Variants in RASA1 observed in about 807,000 individuals in gnomAD.
RASA1 encodes the protein ras GTPase-activating protein 1.
A neutral mutation model predicts 132.2 loss-of-function variants in RASA1; 25 were observed. The observed-to-expected ratio is 0.19, with a 90% confidence interval of 0.14 to 0.26. The LOEUF (loss-of-function observed/expected upper bound fraction) is 0.26. Ranked by LOEUF, RASA1 falls within the 10% of genes least tolerant of loss-of-function variation. The pLI is 1.00. For missense variants in RASA1, 964 were observed against 1,299.2 expected (o/e 0.74, Z 3.97); for synonymous variants, 477 against 449.9 (o/e 1.06, Z -0.76).
rs115394820 is a variant in RASA1, at chr5:87,362,734, C to T, written c.1453+63C>T. 2.3e-3 allele frequency: 3,580 copies of T among 1,533,456 alleles called. 64 individuals carry two copies. In the African/African-American group the frequency reaches 0.041, roughly 17 times the overall value. 95.0% of individuals were successfully genotyped at this position (1,533,456 alleles called of 1,614,324 possible). A position where few individuals can be genotyped will look rare whatever the true frequency, so the allele number is the denominator to read the frequency against. On this transcript the variant is annotated intron_variant, in intron 10 of 24. Transcript: ENST00000274376. ...GACGTTGTAAATATGGAGCTCCGAACTTATTGTGATATATATTTAATAAGT... is the reference window on the plus strand; with the variant it reads ...GACGTTGTAAATATGGAGCTCCGAATTTATTGTGATATATATTTAATAAGT...
intron 7 of RASA1, among the ~76,000 whole-genome samples, chr5:87,348,033 T>C (rs1300082716): frequency 1.3e-5 from 2 of 152,026 alleles, no homozygotes; most frequent in Non-Finnish European, 2.9e-5. Flanking sequence ...AGCACTTGCA[T>C]GCACAGTCTT....
chr5:87,299,370 A>G (rs73770218), intron 1 of RASA1, among the ~76,000 whole-genome samples: 132 of 152,314 alleles, frequency 8.7e-4, no homozygotes, highest in African/African-American at 3.1e-3. Context: ...GTGAATCACT[A>G]TATTGGAAAA....
chr5:87,308,271 T>A (rs932312310), intron 1 of RASA1, among the ~76,000 whole-genome samples: 2 of 151,896 alleles, frequency 1.3e-5, no homozygotes, highest in East Asian at 3.9e-4. Context: ...GACCACAATA[T>A]GCAAATAAAT....
chr5:87,301,178 T>C (rs1405316292), intron 1 of RASA1, among the ~76,000 whole-genome samples: 2 of 152,348 alleles, frequency 1.3e-5, no homozygotes, highest in East Asian at 3.9e-4. Context: ...GTGTTTAGTG[T>C]AGATATAATT....
At chr5:87,285,894 C>T (rs1754537476) in intron 1 of RASA1, among the ~76,000 whole-genome samples, 1 of 152,158 alleles carries the variant, frequency 6.6e-6, no homozygotes, top group Non-Finnish European at 1.5e-5. Context: ...GCTGGGATTA[C>T]AGGTCTGAGC....
intron 9 of RASA1, among the ~76,000 whole-genome samples, chr5:87,356,872 T>G (rs997380533): frequency 1.3e-5 from 2 of 152,192 alleles, no homozygotes; most frequent in Non-Finnish European, 2.9e-5. Context: ...TGCCTATATT[T>G]TCCTTCATTC....
At position 87,288,358 on chromosome 5, in the gene RASA1, C is replaced by G. The variant is rs145017137; in HGVS notation, c.539+19368C>G. On this transcript the variant is annotated intron_variant, in intron 1 of 24. Coordinates refer to ENST00000274376, the MANE Select transcript of RASA1 (RefSeq NM_002890.3). ...ATGACAAAAAATAAAGATTCCTTCT[C>G]AAACAGTGGCAGCAACGATGTCATC... 2.7e-3 allele frequency among the ~76,000 whole-genome samples: 406 copies of G among 152,042 alleles called. 5 individuals carry two copies. Among genetic ancestry groups the G allele is most frequent in the East Asian group, 8.3e-3 (43 of 5,182 alleles).
At chr5:87,336,552 A>T (rs576937876) in intron 4 of RASA1, among the ~76,000 whole-genome samples, 2 of 152,264 alleles carry the variant, frequency 1.3e-5, no homozygotes, top group East Asian at 3.9e-4. Flanking sequence ...AACACAAAAT[A>T]ATATAGAATG....
At chr5:87,367,693 C>G (rs962160355) in intron 11 of RASA1, among the ~76,000 whole-genome samples, 1 of 152,200 alleles carries the variant, frequency 6.6e-6, no homozygotes, top group Non-Finnish European at 1.5e-5. Context: ...TTTACACCAT[C>G]TTTTCATAGC....
Position 87,383,755 on chromosome 5 carries a change from T to C in RASA1, c.2733T>C (p.Asn911=), listed in dbSNP as rs766721039. ...GACTCATCTGTCCTGCCATCCTGAA[T>C]CCACGGATGTTCAATATCATCTCAG... is the stretch of plus-strand genomic sequence containing the variant. The part of the protein sequence containing the change: ...FLRLICPAIL[N]PRMFNIISDS... The change falls in exon 21 of 25, where the codon AAT becomes AAC. Residue 911 remains asparagine (N), a synonymous_variant. Transcript: ENST00000274376. 1.9e-6 allele frequency: 3 copies of C among 1,611,508 alleles called. No individual in the cohort carries two copies. The highest frequency in any genetic ancestry group is 1.7e-4 in the Middle Eastern group (1 of 6,050).
At chr5:87,352,311 C>T (rs1759332041) in intron 8 of RASA1, among the ~76,000 whole-genome samples, 1 of 151,392 alleles carries the variant, frequency 6.6e-6, no homozygotes, top group Non-Finnish European at 1.5e-5. Context: ...GATACACACA[C>T]ACACACATAT....
At chr5:87,356,584 C>T (rs764191575) in intron 9 of RASA1, among the ~76,000 whole-genome samples, 1 of 152,024 alleles carries the variant, frequency 6.6e-6, no homozygotes, top group African/African-American at 2.4e-5. Context: ...GAGTCTTGCT[C>T]TGTTGCCCAG....
chr5:87,349,227 C>T lies in RASA1; in HGVS notation c.1116C>T (p.Cys372=), dbSNP rs2112421478. The T allele has an allele frequency of 2.5e-6, 4 of 1,611,770 alleles. No individual in the cohort carries two copies. The Middle Eastern group carries it at 5.0e-4, about 200-fold the overall frequency. Residue 372 remains cysteine, a synonymous_variant, in exon 8 of 25, where the codon TGC becomes TGT. Transcript: ENST00000274376. ...YNLLMTVGQV[C]SFLVRPSDNT... ...TAATTCTTACAGTTGGTCAAGTCTGCAGTTTTCTTGTGAGGCCCTCAGATA... is the reference window on the plus strand; with the variant it reads ...TAATTCTTACAGTTGGTCAAGTCTGTAGTTTTCTTGTGAGGCCCTCAGATA...
Position 87,268,315 on chromosome 5 carries a change from T to C in RASA1, c.-137T>C. 1.8e-6 allele frequency: 2 copies of C among 1,106,768 alleles called. No homozygotes were observed. The highest frequency in any genetic ancestry group is 2.4e-6 in the Non-Finnish European group (2 of 816,724). 68.6% of individuals were successfully genotyped at this position (1,106,768 alleles called of 1,614,324 possible). On this transcript the variant is annotated 5_prime_UTR_variant, in exon 1 of 25. Transcript: ENST00000274376. ...TAGGAGGGGGCGCGGCGGCGGGCTC[T>C]CTCCTTTTGTTGTTGTTTCCTCAGC...
At chr5:87,338,703 C>T (rs539791246) in intron 5 of RASA1, among the ~76,000 whole-genome samples, 3 of 150,142 alleles carry the variant, frequency 2.0e-5, no homozygotes, top group Non-Finnish European at 4.4e-5. Context: ...TTTTTTTTGC[C>T]GTCCTTTTCT....
Position 87,268,456 on chromosome 5 carries a change from TGGCGGCCGAGGCCGGCAGTGAGGAG to T in RASA1, c.13_37del (p.Glu5ArgfsTer2). ...CAGAGTAGAGCGGGCTTCAACATGA[TGGCGGCCGAGGCCGGCAGTGAGGAG>T]GGCGGCCCGGTAACAGCCGGAGCTG... On this transcript the variant is annotated frameshift_variant, in exon 1 of 25. Transcript: ENST00000274376. LOFTEE classifies it high-confidence loss of function. 4 of 1,546,054 alleles carry T rather than the reference TGGCGGCCGAGGCCGGCAGTGAGGAG, an allele frequency of 2.6e-6. No homozygotes were observed. The highest frequency in any genetic ancestry group is 3.5e-6 in the Non-Finnish European group (4 of 1,145,242).
chr5:87,306,132 A>G (rs1324467811), intron 1 of RASA1, among the ~76,000 whole-genome samples: 3 of 151,962 alleles, frequency 2.0e-5, no homozygotes, highest in Non-Finnish European at 4.4e-5. Context: ...TAACCAAAGG[A>G]ATATAAATCA....
intron 1 of RASA1, among the ~76,000 whole-genome samples, chr5:87,312,428 A>G (rs1580231658): frequency 6.6e-6 from 1 of 152,336 alleles, no homozygotes; most frequent in South Asian, 2.1e-4. Context: ...CAGTTACTCC[A>G]TTATGTGTAA....
intron 4 of RASA1, 30 bp from the exon 5 acceptor site, chr5:87,337,938 TTTTAAA>T: frequency 6.4e-7 from 1 of 1,555,042 alleles, no homozygotes; most frequent in African/African-American, 1.4e-5. Flanking sequence ...TATTTAAAAT[TTTTAAA>T]TTTAATAACT....
Sources: gnomAD v4.1 joint callset for allele counts (sites outside exome capture counted in the v4.1 genomes callset) on GRCh38, gnomAD v4.1.1 for gene constraint, MANE v1.5 for transcripts, NCBI Gene and HGNC (gene_info 2026-07-23, HGNC 2026-07-21) for gene names.